CLVS1: variants seen among roughly 807,000 people sequenced by gnomAD.
CLVS1 encodes the protein clavesin-1.
In CLVS1, 10 loss-of-function variants were observed where a neutral mutation model predicts 33.1. That is an observed-to-expected ratio of 0.30 (90% CI 0.19 to 0.51). CLVS1 has a LOEUF of 0.51. CLVS1 is among the 20% of genes least tolerant of loss of function. The probability of loss-of-function intolerance (pLI) is 0.97; values close to 1 mark genes in which losing one functional copy is unlikely to be tolerated. For synonymous variants in CLVS1, 163 were observed against 166.1 expected (o/e 0.98, Z 0.14); for missense variants, 343 against 433.4 (o/e 0.79, Z 1.85).
chr8:61,122,044 G>C (rs1213564423), intron 1 of CLVS1, among the ~76,000 whole-genome samples: 1 of 152,176 alleles, frequency 6.6e-6, no homozygotes, highest in East Asian at 1.9e-4. Context: ...CACTGGATTT[G>C]GTGAACATTT....
chr8:61,171,191 C>T (rs903331072), intron 2 of CLVS1, among the ~76,000 whole-genome samples: 5 of 151,956 alleles, frequency 3.3e-5, no homozygotes, highest in African/African-American at 4.8e-5. Context: ...TCAGCAAATT[C>T]GAAAACATTT....
At chr8:61,198,449 G>C (rs914195040) in intron 2 of CLVS1, among the ~76,000 whole-genome samples, 2 of 152,128 alleles carry the variant, frequency 1.3e-5, no homozygotes, top group African/African-American at 4.8e-5. Flanking sequence ...GCACGATCTT[G>C]GTTCACTGCA....
intron 5 of CLVS1, among the ~76,000 whole-genome samples, chr8:61,469,709 T>C (rs1031738811): frequency 1.3e-5 from 2 of 152,196 alleles, no homozygotes; most frequent in Non-Finnish European, 2.9e-5. Flanking sequence ...GGGTTGGCAG[T>C]GTGGGAACAG....
chr8:61,314,081 G>A (rs1157472429), intron 2 of CLVS1, among the ~76,000 whole-genome samples: 1 of 152,218 alleles, frequency 6.6e-6, no homozygotes, highest in African/African-American at 2.4e-5. Flanking sequence ...ACAAGACAGA[G>A]TTAAGAAAGG....
At chr8:61,284,160 A>G (rs1040123177), upstream of CLVS1, among the ~76,000 whole-genome samples, 4 of 152,158 alleles carry the variant, frequency 2.6e-5, no homozygotes, top group Non-Finnish European at 5.9e-5. Context: ...TGTGGAATCT[A>G]AAGTGTTGTT....
At chr8:61,198,160 C>T (rs1027571811) in intron 2 of CLVS1, among the ~76,000 whole-genome samples, 13 of 152,246 alleles carry the variant, frequency 8.5e-5, no homozygotes, top group Admixed American at 2.0e-4. Flanking sequence ...TCTTTCTTTG[C>T]CCTGTCCTTT....
rs537542857 is a variant in CLVS1, at chr8:61,059,008, A to G, written c.-243+1778A>G. Among the ~76,000 whole-genome samples the G allele has an allele frequency of 6.6e-5, 10 of 152,292 alleles. 1 individual carries two copies. The South Asian group carries it at 1.5e-3, about 22-fold the overall frequency. On this transcript the variant is annotated intron_variant, in intron 1 of 2. Transcript: ENST00000522621. ...ACAAATAGAGCTTCAATGAACATCC[A>G]TGTCTGAGACTTTGTGTGGACATGT...
At chr8:61,288,195 C>G (rs372097615) in intron 1 of CLVS1, 57 bp downstream of exon 1, 2 of 456,226 alleles carry the variant, frequency 4.4e-6, no homozygotes, top group Non-Finnish European at 8.8e-6. Context: ...GCCTTTCCCC[C>G]GCTCTTTCGA....
chr8:61,086,462 C>A (rs1174128956), intron 1 of CLVS1, among the ~76,000 whole-genome samples: 1 of 152,170 alleles, frequency 6.6e-6, no homozygotes, highest in Non-Finnish European at 1.5e-5. Context: ...AAAGAACATA[C>A]TTATACTAAA....
intron 2 of CLVS1, among the ~76,000 whole-genome samples, chr8:61,164,372 T>C (rs961852889): frequency 6.6e-6 from 1 of 152,230 alleles, no homozygotes; most frequent in Non-Finnish European, 1.5e-5. Context: ...GTTTCTTGTC[T>C]AGCAGGAAAG....
At chr8:61,261,998 G>GTA (rs370310372) in intron 2 of CLVS1, among the ~76,000 whole-genome samples, 38,032 of 108,986 alleles carry the variant, frequency 0.35, 5,915 homozygotes, top group East Asian at 0.43. Flanking sequence ...GTGTGTGTGT[G>GTA]TGTGTGTGTG....
chr8:61,331,268 T>C (rs1182348386), intron 2 of CLVS1, among the ~76,000 whole-genome samples: 1 of 152,178 alleles, frequency 6.6e-6, no homozygotes, highest in Admixed American at 6.5e-5. Flanking sequence ...AATCTGTTTT[T>C]TTCTGGAGCC....
At chr8:61,121,130 G>A (rs1409670942) in intron 1 of CLVS1, among the ~76,000 whole-genome samples, 1 of 152,036 alleles carries the variant, frequency 6.6e-6, no homozygotes, top group African/African-American at 2.4e-5. Flanking sequence ...GGAGTGACCC[G>A]ATTTTCCAGG....
intron 2 of CLVS1, among the ~76,000 whole-genome samples, chr8:61,234,768 C>A (rs1808520726): frequency 6.6e-6 from 1 of 152,064 alleles, no homozygotes; most frequent in African/African-American, 2.4e-5. Context: ...TCTTTCCCAG[C>A]CTAGCAGATA....
At chr8:61,274,457 G>T (rs901626457) in intron 2 of CLVS1, among the ~76,000 whole-genome samples, 1 of 152,140 alleles carries the variant, frequency 6.6e-6, no homozygotes, top group Non-Finnish European at 1.5e-5. Flanking sequence ...AACCAAGGAT[G>T]TACTTAATTC....
intron 4 of CLVS1, among the ~76,000 whole-genome samples, chr8:61,456,542 A>G (rs957489251): frequency 4.6e-5 from 7 of 152,210 alleles, no homozygotes; most frequent in African/African-American, 1.7e-4. Context: ...AAATGATGTC[A>G]TTACATCATG....
intron 2 of CLVS1, among the ~76,000 whole-genome samples, chr8:61,136,195 G>T (rs1366952957): frequency 6.6e-6 from 1 of 152,238 alleles, no homozygotes; most frequent in Non-Finnish European, 1.5e-5. Context: ...GCAGGGAAGA[G>T]TATCACTGGA....
At chr8:61,034,134 G>A in the CLVS1 span, among the ~76,000 whole-genome samples, 2 of 152,262 alleles carry the variant, frequency 1.3e-5, no homozygotes, top group African/African-American at 4.8e-5. Context: ...AAGCCAGCAC[G>A]TCCTTTTCTA....
In CLVS1 at chr8:61,304,846, A is replaced by T. The variant is rs183470109; in HGVS notation, c.455+4564A>T. On this transcript the variant is annotated intron_variant, in intron 2 of 5. Transcript: ENST00000325897. ...AGGTTAAAATTGGTCAAGTAATTTTACTTTTTAGGGTCTCAATTGTATCAA... is the reference window on the plus strand; with the variant it reads ...AGGTTAAAATTGGTCAAGTAATTTTTCTTTTTAGGGTCTCAATTGTATCAA... Among the ~76,000 whole-genome samples, 49 of 152,292 alleles carry T rather than the reference A, an allele frequency of 3.2e-4. No homozygotes were observed. The East Asian group carries it at 9.1e-3, about 28-fold the overall frequency.
Sources: gnomAD v4.1 joint callset for allele counts (sites outside exome capture counted in the v4.1 genomes callset) on GRCh38, gnomAD v4.1.1 for gene constraint, MANE v1.5 for transcripts, NCBI Gene and HGNC (gene_info 2026-07-23, HGNC 2026-07-21) for gene names.